The following DMD variants were observed in gnomAD, a reference collection of about 807,000 sequenced individuals.
DMD encodes mutant dystrophin.
In DMD, 63 loss-of-function variants were observed where a neutral mutation model predicts 330.1. That is an observed-to-expected ratio of 0.19 (90% CI 0.16 to 0.24). The LOEUF is 0.24. DMD is among the 10% of genes least tolerant of loss of function. The pLI, the probability that DMD is intolerant of heterozygous loss-of-function variation, is 1.00. For missense variants in DMD, 3,344 were observed against 2,684.1 expected, an observed-to-expected ratio of 1.25 and a Z score of -5.43; for synonymous variants, 1,223 against 959.8, an observed-to-expected ratio of 1.27 and a Z score of -5.07.
At chrX:32,262,483 G>A (rs1192369507) in intron 43 of DMD, among the ~76,000 whole-genome samples, 1 of 111,398 alleles carries the variant, frequency 9.0e-6, no homozygotes, top group Non-Finnish European at 1.9e-5. Flanking sequence ...CTATTTAAAT[G>A]TGTAGCTTAT....
chrX:32,984,765 T>A (rs2092800738), intron 2 of DMD, among the ~76,000 whole-genome samples: 1 of 111,477 alleles, frequency 9.0e-6, no homozygotes. Flanking sequence ...ACACTTTAAA[T>A]CTACTTTGTT....
At chrX:31,350,632 TGAGAGA>T (rs372820688) in intron 60 of DMD, among the ~76,000 whole-genome samples, 9,689 of 66,451 alleles carry the variant, frequency 0.15, 542 homozygotes, top group South Asian at 0.36. Context: ...TGTGTGTGTG[TGAGAGA>T]GAGAGAGAGA....
intron 2 of DMD, among the ~76,000 whole-genome samples, chrX:32,997,658 T>C (rs1422058120): frequency 8.9e-6 from 1 of 112,338 alleles, no homozygotes; most frequent in Non-Finnish European, 1.9e-5. Context: ...GAAGCAGATA[T>C]AAGTTCTCTG....
chrX:32,823,266 A>C, intron 5 of DMD, 29 bp downstream of exon 5: 2 of 1,128,725 alleles, frequency 1.8e-6, no homozygotes, highest in Non-Finnish European at 2.4e-6. Flanking sequence ...AATGTTACCC[A>C]AAAGGAAACC....
At chrX:31,889,647 T>TCA (rs773894352) in intron 47 of DMD, among the ~76,000 whole-genome samples, 1,125 of 71,553 alleles carry the variant, frequency 0.016, 18 homozygotes, top group South Asian at 0.093. Flanking sequence ...TCTCTCTCTC[T>TCA]CACACACACA....
intron 44 of DMD, among the ~76,000 whole-genome samples, chrX:32,130,247 C>A (rs779064476): frequency 8.9e-6 from 1 of 111,750 alleles, no homozygotes; most frequent in African/African-American, 3.3e-5. Context: ...GCTACATATA[C>A]TTTTGGATTT....
At chrX:32,774,739 G>T (rs1424052221) in intron 7 of DMD, among the ~76,000 whole-genome samples, 2 of 111,087 alleles carry the variant, frequency 1.8e-5, no homozygotes. Flanking sequence ...TACAATTTGA[G>T]ACAAAATTTG....
At chrX:32,331,626 C>T (rs1046817297) in intron 41 of DMD, among the ~76,000 whole-genome samples, 2 of 111,214 alleles carry the variant, frequency 1.8e-5, no homozygotes, top group African/African-American at 6.5e-5. Flanking sequence ...TGCATGATGA[C>T]TGTAGTCTAT....
At chrX:33,318,974 G>A (rs2053974888) in intron 1 of DMD, among the ~76,000 whole-genome samples, 1 of 111,223 alleles carries the variant, frequency 9.0e-6, no homozygotes, top group African/African-American at 3.3e-5. Flanking sequence ...ATTAGGGGGT[G>A]AGGTCTTTAG....
At position 33,268,907 on chromosome X, in the gene DMD, CAA is replaced by C. The variant is rs202219233; in HGVS notation, c.7+70350_7+70351del. On this transcript the variant is annotated intron_variant, in intron 1 of 17. Coordinates refer to the DMD transcript ENST00000288447. Reference sequence around the variant, plus strand: ...CCCCATTGCACTCCAGCCTGGGTGACAAAAAAAAAAAAAAAAAAAAAATCAAA... The same window carrying C: ...CCCCATTGCACTCCAGCCTGGGTGACAAAAAAAAAAAAAAAAAAAATCAAA... Among the ~76,000 whole-genome samples the C allele has an allele frequency of 7.1e-3, 309 of 43,301 alleles. 1 individual carries two copies. The highest frequency in any genetic ancestry group is 0.019 in the African/African-American group (289 of 15,153). The allele number at this position is 43,301 out of a possible 115,157, so 37.6% of individuals were successfully genotyped here.
intron 45 of DMD, among the ~76,000 whole-genome samples, chrX:31,966,218 A>T (rs2095349620): frequency 9.7e-6 from 1 of 102,771 alleles, no homozygotes; most frequent in African/African-American, 3.9e-5. Context: ...GATTAGCAAT[A>T]GGTTCGTGAT....
chrX:32,296,323 G>A (rs1324148772), intron 42 of DMD, among the ~76,000 whole-genome samples: 5 of 111,327 alleles, frequency 4.5e-5, no homozygotes, highest in South Asian at 3.9e-4. Flanking sequence ...CCCAGGAAGC[G>A]GAGGTTGCAG....
At chrX:31,519,369 T>A (rs996579088) in intron 55 of DMD, among the ~76,000 whole-genome samples, 1 of 112,357 alleles carries the variant, frequency 8.9e-6, no homozygotes, top group African/African-American at 3.2e-5. Context: ...CTTTTCCCAA[T>A]AACACATATC....
chrX:32,761,621 C>T (rs777710768), intron 7 of DMD, among the ~76,000 whole-genome samples: 4 of 111,388 alleles, frequency 3.6e-5, no homozygotes, highest in African/African-American at 6.5e-5. Context: ...GTGTGTATGG[C>T]GAGTGCAGCT....
chrX:31,322,081 A>G (rs1288110206), intron 62 of DMD, among the ~76,000 whole-genome samples: 3 of 111,983 alleles, frequency 2.7e-5, no homozygotes, highest in Non-Finnish European at 5.6e-5. Context: ...GGTGTCTTGA[A>G]TTCTCCAGTG....
At chrX:32,126,916 GCTAT>G (rs1334779047) in intron 44 of DMD, among the ~76,000 whole-genome samples, 2 of 111,870 alleles carry the variant, frequency 1.8e-5, no homozygotes, top group Non-Finnish European at 3.8e-5. Flanking sequence ...TTTTAACTGG[GCTAT>G]CTAATTAATA....
chrX:31,553,847 G>C (rs2074640391), intron 55 of DMD, among the ~76,000 whole-genome samples: 1 of 112,731 alleles, frequency 8.9e-6, no homozygotes, highest in South Asian at 3.6e-4. Flanking sequence ...ATGGTTAATA[G>C]TTGTAAAGAA....
At chrX:31,454,940 T>G (rs1206526408) in intron 59 of DMD, among the ~76,000 whole-genome samples, 1 of 100,008 alleles carries the variant, frequency 1.0e-5, no homozygotes, top group African/African-American at 4.0e-5. Flanking sequence ...TTAAGTTAGT[T>G]TTTTCTTTTT....
intron 45 of DMD, among the ~76,000 whole-genome samples, chrX:31,936,742 T>G (rs1334039812): frequency 2.7e-5 from 3 of 111,749 alleles, no homozygotes; most frequent in Non-Finnish European, 3.8e-5. Flanking sequence ...TCAGATATTC[T>G]CATTTATTCT....
Sources: gnomAD v4.1 joint callset for allele counts (sites outside exome capture counted in the v4.1 genomes callset) on GRCh38, gnomAD v4.1.1 for gene constraint, MANE v1.5 for transcripts, NCBI Gene and HGNC (gene_info 2026-07-23, HGNC 2026-07-21) for gene names.